SLIT3: variants seen among roughly 807,000 people sequenced by gnomAD.
The protein encoded by SLIT3 is slit guidance ligand 3, also known as slit homolog 3 protein.
A neutral mutation model predicts 184.0 loss-of-function variants in SLIT3; 68 were observed. The ratio of observed to expected loss-of-function variants is 0.37; its 90% CI spans 0.30 to 0.45. The LOEUF is 0.45. Ranked by LOEUF, SLIT3 falls within the 20% of genes least tolerant of loss-of-function variation. The probability of loss-of-function intolerance (pLI) is 1.00; values close to 1 mark genes in which losing one functional copy is unlikely to be tolerated. For missense variants in SLIT3, 1,707 were observed against 2,026.0 expected (o/e 0.84, Z 3.02); for synonymous variants, 831 against 828.6 (o/e 1.00, Z -0.05).
At chr5:168,779,934 GAGAAGATC>G (rs1362675728) in intron 12 of SLIT3, among the ~76,000 whole-genome samples, 4 of 152,230 alleles carry the variant, frequency 2.6e-5, no homozygotes, top group Non-Finnish European at 5.9e-5. Context: ...GCCCCATGGG[GAGAAGATC>G]GCTGAGCCCC....
At chr5:168,933,757 T>C (rs977574704) in intron 4 of SLIT3, among the ~76,000 whole-genome samples, 5 of 152,152 alleles carry the variant, frequency 3.3e-5, no homozygotes, top group Non-Finnish European at 7.4e-5. Flanking sequence ...GTTGAGACCC[T>C]GGAGGTCGTC....
intron 4 of SLIT3, among the ~76,000 whole-genome samples, chr5:169,148,429 G>A (rs775364739): frequency 6.6e-6 from 1 of 152,186 alleles, no homozygotes; most frequent in Non-Finnish European, 1.5e-5. Context: ...AAGCTCCAGG[G>A]CAGGAACTGA....
intron 4 of SLIT3, among the ~76,000 whole-genome samples, chr5:169,073,643 A>T (rs985774391): frequency 1.3e-5 from 2 of 151,982 alleles, no homozygotes; most frequent in Non-Finnish European, 2.9e-5. Context: ...TCTTGGTGCT[A>T]TTCCCATGGT....
chr5:169,283,949 A>G (rs936804129), intron 1 of SLIT3, among the ~76,000 whole-genome samples: 18 of 152,232 alleles, frequency 1.2e-4, no homozygotes, highest in Non-Finnish European at 4.4e-5. Context: ...GCTCGTAGTC[A>G]ATGGTTCCTA....
At chr5:168,709,231 G>A (rs1325319415) in intron 25 of SLIT3, among the ~76,000 whole-genome samples, 1 of 152,024 alleles carries the variant, frequency 6.6e-6, no homozygotes, top group African/African-American at 2.4e-5. Flanking sequence ...AAGTAGCTGG[G>A]ATTACAAGCA....
Position 169,230,047 on chromosome 5 carries a change from A to C in SLIT3, c.341+14658T>G, listed in dbSNP as rs375667080. Among the ~76,000 whole-genome samples the C allele has an allele frequency of 3.9e-5, 6 of 152,058 alleles. No homozygotes were observed. The East Asian group carries it at 5.8e-4, about 15-fold the overall frequency. On this transcript the variant is annotated intron_variant, in intron 3 of 35. Coordinates refer to ENST00000519560, the MANE Select transcript of SLIT3 (RefSeq NM_003062.4). The stretch of plus-strand genomic sequence containing the variant: ...CTGTATAAGCATTTCATGGAGTGTA[A>C]TTTCAGTAATCAATGGTACTTCTCA...
At chr5:169,048,718 G>A (rs1757711660) in intron 4 of SLIT3, among the ~76,000 whole-genome samples, 1 of 152,104 alleles carries the variant, frequency 6.6e-6, no homozygotes, top group Non-Finnish European at 1.5e-5. Context: ...TTTTGCCTCG[G>A]ATAATAACAG....
At chr5:168,672,650 A>G (rs1041405732) in intron 33 of SLIT3, among the ~76,000 whole-genome samples, 1 of 151,826 alleles carries the variant, frequency 6.6e-6, no homozygotes, top group African/African-American at 2.4e-5. Flanking sequence ...TAATTTAAAT[A>G]TTTTGTAGAG....
intron 33 of SLIT3, among the ~76,000 whole-genome samples, chr5:168,672,763 T>C (rs1761292850): frequency 6.6e-6 from 1 of 152,202 alleles, no homozygotes; most frequent in South Asian, 2.1e-4. Context: ...TGTGAGCCAC[T>C]GCACCTGGCC....
chr5:168,688,501 T>A (rs1162333921), intron 29 of SLIT3, among the ~76,000 whole-genome samples: 1 of 152,114 alleles, frequency 6.6e-6, no homozygotes, highest in Non-Finnish European at 1.5e-5. Context: ...ATCGTTGTGG[T>A]TGGCAGAGCA....
chr5:168,925,351 C>G (rs1379695197), intron 4 of SLIT3, among the ~76,000 whole-genome samples: 1 of 152,124 alleles, frequency 6.6e-6, no homozygotes, highest in Non-Finnish European at 1.5e-5. Context: ...CCCCAGCTGC[C>G]AGATCTGGAG....
At chr5:168,899,626 C>T (rs1760798754) in intron 4 of SLIT3, among the ~76,000 whole-genome samples, 1 of 152,128 alleles carries the variant, frequency 6.6e-6, no homozygotes, top group Non-Finnish European at 1.5e-5. Context: ...AAGCTATAAG[C>T]ATTGCCATGT....
chr5:169,008,510 A>G (rs1314221216), intron 4 of SLIT3, among the ~76,000 whole-genome samples: 1 of 152,190 alleles, frequency 6.6e-6, no homozygotes, highest in Non-Finnish European at 1.5e-5. Context: ...CCCAGACGAG[A>G]TAAGACCTGC....
At chr5:168,956,043 A>G (rs1762814104) in intron 4 of SLIT3, among the ~76,000 whole-genome samples, 1 of 152,224 alleles carries the variant, frequency 6.6e-6, no homozygotes, top group Non-Finnish European at 1.5e-5. Context: ...CTCTGGATGC[A>G]GCCCCACCAT....
chr5:168,807,975 C>G (rs371083764), intron 8 of SLIT3, among the ~76,000 whole-genome samples: 1 of 152,164 alleles, frequency 6.6e-6, no homozygotes. Context: ...TAATTTGGAA[C>G]GTTTACCTCC....
Position 169,219,220 on chromosome 5 carries a change from C to T in SLIT3, c.341+25485G>A, listed in dbSNP as rs534758334. ...ACCACAGGAGACGACTGTCCCACCT[C>T]CAGCACAGACCACAGCCTCTGCTGA... On this transcript the variant is annotated intron_variant, in intron 3 of 35. Transcript: ENST00000519560. 3.9e-5 allele frequency among the ~76,000 whole-genome samples: 6 copies of T among 152,300 alleles called. No homozygotes were observed. The South Asian group carries it at 1.2e-3, about 32-fold the overall frequency.
Position 169,193,548 on chromosome 5 carries a change from C to A in SLIT3, c.344G>T (p.Arg115Leu), listed in dbSNP as rs150636880. Residue 115 changes from arginine (R) to leucine (L), a missense_variant and splice_region_variant, in exon 4 of 36, where the codon CGC becomes CTC. Around this residue, in one of 3 missense-constraint regions of SLIT3, gnomAD observed 1,307 missense variants for 1,511.6 expected, o/e 0.86. Coordinates refer to ENST00000519560, the MANE Select transcript of SLIT3 (RefSeq NM_003062.4). ...GACTTGCAGCTTATTCTTGTTCAGGCGCCTAAAGAGGAAAGAGAATGGAAG... is the reference window on the plus strand; with the variant it reads ...GACTTGCAGCTTATTCTTGTTCAGGAGCCTAAAGAGGAAAGAGAATGGAAG... Reference protein sequence around the residue: ...FQDLKQLERLRLNKNKLQVLP... With the variant: ...FQDLKQLERLLLNKNKLQVLP... 1.2e-6 allele frequency: 2 copies of A among 1,613,688 alleles called. No individual in the cohort carries two copies. Among genetic ancestry groups the A allele is most frequent in the Non-Finnish European group, 1.7e-6 (2 of 1,179,702 alleles).
At chr5:168,736,085 G>T (rs1001043553) in intron 20 of SLIT3, among the ~76,000 whole-genome samples, 1 of 152,132 alleles carries the variant, frequency 6.6e-6, no homozygotes, top group Non-Finnish European at 1.5e-5. Context: ...TGATCTGGTC[G>T]GTTTTCTTAC....
At chr5:169,006,578 T>TTC (rs369079733) in intron 4 of SLIT3, among the ~76,000 whole-genome samples, 22,080 of 139,414 alleles carry the variant, frequency 0.16, 1,660 homozygotes, top group African/African-American at 0.22. Context: ...TTTCCCCCTC[T>TTC]TCTCTCTCTC....
Sources: gnomAD v4.1 joint callset for allele counts (sites outside exome capture counted in the v4.1 genomes callset) on GRCh38, gnomAD v4.1.1 for gene constraint, gnomAD v4.1.1 regional missense constraint, MANE v1.5 for transcripts, NCBI Gene and HGNC (gene_info 2026-07-23, HGNC 2026-07-21) for gene names.